Variants in GPR39 observed in about 807,000 individuals in gnomAD.
GPR39 encodes G protein-coupled receptor 39.
A neutral mutation model predicts 18.4 loss-of-function variants in GPR39; 23 were observed. The observed-to-expected ratio is 1.25, with a 90% CI of 0.90 to 1.77. The LOEUF is 1.77. Among genes scored for constraint, GPR39 ranks in the 40% most tolerant of loss-of-function variants. The pLI, the probability that GPR39 is intolerant of heterozygous loss-of-function variation, is 0.00. For synonymous variants in GPR39, 280 were observed against 257.9 expected (o/e 1.09, Z -0.82); for missense variants, 647 against 602.4 (o/e 1.07, Z -0.78).
At chr2:132,638,514 T>C (rs1166067194) in intron 1 of GPR39, among the ~76,000 whole-genome samples, 2 of 152,196 alleles carry the variant, frequency 1.3e-5, no homozygotes, top group African/African-American at 4.8e-5. Flanking sequence ...AGTTCCCAGG[T>C]GGCGCTGATG....
chr2:132,590,428 T>A (rs987252584), intron 1 of GPR39, among the ~76,000 whole-genome samples: 11 of 152,124 alleles, frequency 7.2e-5, no homozygotes, highest in African/African-American at 2.7e-4. Context: ...AGAGTGTCAC[T>A]GGTTTCCTGT....
intron 1 of GPR39, among the ~76,000 whole-genome samples, chr2:132,424,517 T>G (rs1400305070): frequency 6.6e-6 from 1 of 152,138 alleles, no homozygotes. Flanking sequence ...TGGGCAATTA[T>G]CTTAAAAGCC....
intron 1 of GPR39, among the ~76,000 whole-genome samples, chr2:132,636,542 A>G (rs1050335538): frequency 1.3e-5 from 2 of 152,230 alleles, no homozygotes; most frequent in African/African-American, 4.8e-5. Flanking sequence ...TGATTTTACC[A>G]GACTCTAAAG....
At chr2:132,544,630 A>T (rs1468135056) in intron 1 of GPR39, among the ~76,000 whole-genome samples, 1 of 152,186 alleles carries the variant, frequency 6.6e-6, no homozygotes, top group Non-Finnish European at 1.5e-5. Context: ...CAGCTCCCAC[A>T]CTTACCATGG....
chr2:132,623,853 A>G (rs561201612), intron 1 of GPR39, among the ~76,000 whole-genome samples: 1 of 152,210 alleles, frequency 6.6e-6, no homozygotes, highest in Admixed American at 6.5e-5. Context: ...GCCAAGGAAG[A>G]TTTTGGAATG....
intron 1 of GPR39, among the ~76,000 whole-genome samples, chr2:132,491,345 C>T (rs4954331): frequency 0.46 from 70,405 of 151,902 alleles, 19,865 homozygotes; most frequent in Non-Finnish European, 0.64. Flanking sequence ...AATTACACTG[C>T]CTTGTGACCT....
chr2:132,472,871 A>G (rs1681058142), intron 1 of GPR39, among the ~76,000 whole-genome samples: 2 of 152,114 alleles, frequency 1.3e-5, no homozygotes, highest in Admixed American at 1.3e-4. Context: ...ACTCAGTAAC[A>G]CAAGGGAGCT....
intron 1 of GPR39, among the ~76,000 whole-genome samples, chr2:132,550,969 G>A (rs1680033043): frequency 6.6e-6 from 1 of 152,190 alleles, no homozygotes; most frequent in African/African-American, 2.4e-5. Context: ...TGGTTTAGGT[G>A]GAGGAAGAGC....
chr2:132,535,585 T>C (rs1679740505), intron 1 of GPR39, among the ~76,000 whole-genome samples: 1 of 152,160 alleles, frequency 6.6e-6, no homozygotes, highest in Admixed American at 6.5e-5. Flanking sequence ...TAAAATGAGT[T>C]AGGGAGGAGT....
At chr2:132,600,634 T>C (rs1039435974) in intron 1 of GPR39, among the ~76,000 whole-genome samples, 7 of 152,062 alleles carry the variant, frequency 4.6e-5, no homozygotes, top group Admixed American at 3.3e-4. Flanking sequence ...CCTGGACACA[T>C]ATAACCTACC....
intron 1 of GPR39, among the ~76,000 whole-genome samples, chr2:132,605,545 T>A (rs12620062): frequency 0.18 from 26,859 of 152,234 alleles, 2,491 homozygotes; most frequent in Admixed American, 0.23. Context: ...TGCTTCTCGC[T>A]GGCCTGGGAA....
chr2:132,428,664 A>G (rs139891262), intron 1 of GPR39, among the ~76,000 whole-genome samples: 13 of 152,332 alleles, frequency 8.5e-5, no homozygotes, highest in African/African-American at 2.9e-4. Context: ...TGGAATACCT[A>G]TGTCCTAACA....
In GPR39 at chr2:132,462,296, T is replaced by G. The variant is rs185136486; in HGVS notation, c.856+44398T>G. ...AGCAGGCCTTGTAGTATCAAGAGGTTGTGGTGCTCCCTGTTTCTTGTGAAA... is the reference window on the plus strand; with the variant it reads ...AGCAGGCCTTGTAGTATCAAGAGGTGGTGGTGCTCCCTGTTTCTTGTGAAA... On this transcript the variant is annotated intron_variant, in intron 1 of 1. Transcript: ENST00000329321. Among the ~76,000 whole-genome samples the G allele has an allele frequency of 9.8e-5, 15 of 152,348 alleles. No individual in the cohort carries two copies. In the East Asian group the frequency reaches 2.9e-3, roughly 29 times the overall value.
intron 1 of GPR39, among the ~76,000 whole-genome samples, chr2:132,520,797 A>G (rs368648244): frequency 1.5e-4 from 23 of 152,296 alleles, no homozygotes; most frequent in African/African-American, 5.3e-4. Context: ...AGAGAGTGGG[A>G]GAATCAGGTT....
chr2:132,557,843 G>A (rs72983652), intron 1 of GPR39, among the ~76,000 whole-genome samples: 2,705 of 152,208 alleles, frequency 0.018, 59 homozygotes, highest in African/African-American at 0.044. Context: ...CGCGTTTCTC[G>A]TGACCTCCCC....
intron 1 of GPR39, among the ~76,000 whole-genome samples, chr2:132,617,702 A>G (rs918752648): frequency 2.6e-5 from 4 of 152,148 alleles, no homozygotes; most frequent in African/African-American, 9.7e-5. Context: ...TGTTAGTAGT[A>G]GCATCTTTTA....
At chr2:132,605,299 T>C (rs577692546) in intron 1 of GPR39, among the ~76,000 whole-genome samples, 1 of 151,728 alleles carries the variant, frequency 6.6e-6, no homozygotes, top group Non-Finnish European at 1.5e-5. Flanking sequence ...GTGGGTAGGC[T>C]GGAGTAAGAG....
intron 1 of GPR39, among the ~76,000 whole-genome samples, chr2:132,579,158 T>C (rs1008049128): frequency 2.0e-5 from 3 of 152,046 alleles, no homozygotes; most frequent in Admixed American, 1.3e-4. Context: ...TTTGATCTTT[T>C]TTTTTTTCAT....
chr2:132,616,752 C>G lies in GPR39; in HGVS notation c.857-28349C>G, dbSNP rs553376096. On this transcript the variant is annotated intron_variant, in intron 1 of 1. Transcript: ENST00000329321. ...GCTTTTGTGCAGTGTTTTAATGGAG[C>G]CATGCATAAATCCCAGATTTCTTTT... Among the ~76,000 whole-genome samples, 13 of 152,260 alleles carry G rather than the reference C, an allele frequency of 8.5e-5. 1 individual carries two copies. The East Asian group carries it at 2.5e-3, about 29-fold the overall frequency.
Sources: allele counts gnomAD v4.1 joint callset (sites outside exome capture counted in the v4.1 genomes callset), GRCh38; gene constraint gnomAD v4.1.1; transcripts MANE v1.5; gene names NCBI Gene and HGNC (gene_info 2026-07-23, HGNC 2026-07-21).